Variants in CTPS2 observed in about 807,000 individuals in gnomAD.
CTPS2 encodes CTP synthase 2.
In CTPS2, 19 loss-of-function variants were observed where a neutral mutation model predicts 46.8. That is an observed-to-expected ratio of 0.41 (90% CI 0.28 to 0.60). The LOEUF is 0.60. Ranked by LOEUF, CTPS2 falls within the 20% of genes least tolerant of loss-of-function variation. The pLI, the probability that CTPS2 is intolerant of heterozygous loss-of-function variation, is 0.35. For synonymous variants in CTPS2, 151 were observed against 165.2 expected (o/e 0.91, Z 0.66); for missense variants, 286 against 447.6 (o/e 0.64, Z 3.26).
At chrX:16,692,006 T>C (rs988033416) in intron 6 of CTPS2, among the ~76,000 whole-genome samples, 3 of 111,465 alleles carry the variant, frequency 2.7e-5, no homozygotes, top group African/African-American at 9.8e-5. Context: ...CTACAGACAA[T>C]ATGTAAATGA....
At chrX:16,636,659 T>A (rs1931763208) in intron 14 of CTPS2, among the ~76,000 whole-genome samples, 1 of 111,677 alleles carries the variant, frequency 9.0e-6, no homozygotes, top group Non-Finnish European at 1.9e-5. Context: ...GCGCGGTGGC[T>A]CACGCCTGTA....
chrX:16,689,412 A>G, intron 8 of CTPS2, 38 bp downstream of exon 8: 1 of 1,190,745 alleles, frequency 8.4e-7, no homozygotes, highest in Non-Finnish European at 1.1e-6. Flanking sequence ...CAAACTCAAA[A>G]ATTATTAAAG....
intron 1 of CTPS2, among the ~76,000 whole-genome samples, chrX:16,707,955 C>G (rs1410321975): frequency 2.7e-5 from 3 of 110,515 alleles, no homozygotes; most frequent in Non-Finnish European, 5.7e-5. Context: ...GCATTCCAGC[C>G]TGGACAATAG....
At chrX:16,639,479 T>C (rs1021500992) in intron 13 of CTPS2, among the ~76,000 whole-genome samples, 3 of 110,803 alleles carry the variant, frequency 2.7e-5, no homozygotes, top group Non-Finnish European at 5.7e-5. Flanking sequence ...AAACAATGTA[T>C]CAGGAGCATC....
chrX:16,701,969 A>C (rs1924608558), intron 2 of CTPS2, among the ~76,000 whole-genome samples: 1 of 111,260 alleles, frequency 9.0e-6, no homozygotes, highest in African/African-American at 3.3e-5. Flanking sequence ...AAATTCATCC[A>C]ACTGTACACT....
At chrX:16,638,026 C>T (rs759785053) in intron 14 of CTPS2, among the ~76,000 whole-genome samples, 4 of 111,091 alleles carry the variant, frequency 3.6e-5, no homozygotes, top group South Asian at 3.8e-4. Flanking sequence ...GAGGCCGAGG[C>T]GGGCAGATCA....
intron 17 of CTPS2, among the ~76,000 whole-genome samples, chrX:16,601,014 A>C (rs1381404851): frequency 3.6e-5 from 4 of 111,502 alleles, no homozygotes; most frequent in African/African-American, 1.3e-4. Flanking sequence ...ACGCAGAAGT[A>C]AAATCCATAG....
chrX:16,621,085 G>A (rs1477303807), intron 14 of CTPS2, among the ~76,000 whole-genome samples: 3 of 110,957 alleles, frequency 2.7e-5, no homozygotes, highest in Non-Finnish European at 3.8e-5. Flanking sequence ...AACCAGGGGT[G>A]TGTGGCTGAG....
At chrX:16,606,743 T>C (rs1929991966) in intron 17 of CTPS2, among the ~76,000 whole-genome samples, 1 of 110,661 alleles carries the variant, frequency 9.0e-6, no homozygotes, top group Non-Finnish European at 1.9e-5. Context: ...AATCAGTCAG[T>C]TTTTTCAGAA....
intron 8 of CTPS2, among the ~76,000 whole-genome samples, chrX:16,685,867 C>CAAA (rs397976604): frequency 4.7e-3 from 116 of 24,442 alleles, no homozygotes; most frequent in Non-Finnish European, 6.8e-3. Flanking sequence ...ACTCTGTCTC[C>CAAA]AAAAAAAAAA....
rs747738925 is a variant in CTPS2, at chrX:16,598,233, C to T, written c.1692-7371G>A. Among the ~76,000 whole-genome samples the T allele has an allele frequency of 1.7e-3, 194 of 110,981 alleles. 3 individuals are homozygous for T. The South Asian group carries it at 0.07, about 40-fold the overall frequency. On this transcript the variant is annotated intron_variant, in intron 17 of 18. Coordinates refer to ENST00000359276, the MANE Select transcript of CTPS2 (RefSeq NM_175859.3). ...AGAGCAGAACTGAAGGAAATAGAGA[C>T]ACAAAAAATCCTTCAAAAAATTAAT...
At chrX:16,690,315 G>A (rs1274477396) in intron 7 of CTPS2, among the ~76,000 whole-genome samples, 1 of 110,349 alleles carries the variant, frequency 9.1e-6, no homozygotes. Flanking sequence ...AGGTTGCACT[G>A]AGCCAAGAGT....
At chrX:16,687,798 T>C (rs774662202) in intron 8 of CTPS2, among the ~76,000 whole-genome samples, 1 of 111,428 alleles carries the variant, frequency 9.0e-6, no homozygotes, top group African/African-American at 3.3e-5. Context: ...CTACCAAGGG[T>C]CAGTAATTTT....
intron 14 of CTPS2, among the ~76,000 whole-genome samples, chrX:16,622,746 CTG>C (rs1930911192): frequency 9.0e-6 from 1 of 111,565 alleles, no homozygotes; most frequent in Admixed American, 9.6e-5. Context: ...AAGGCAGACT[CTG>C]TATTTGCTAA....
At chrX:16,653,103 T>C (rs1053000296) in intron 13 of CTPS2, among the ~76,000 whole-genome samples, 3 of 110,728 alleles carry the variant, frequency 2.7e-5, no homozygotes, top group Non-Finnish European at 5.7e-5. Flanking sequence ...CCACAATTTA[T>C]ATATACATAT....
At position 16,625,306 on chromosome X, in the gene CTPS2, A is replaced by T. The variant is rs180766340; in HGVS notation, c.1394-4974T>A. Among the ~76,000 whole-genome samples, 3 of 112,697 alleles carry T rather than the reference A, an allele frequency of 2.7e-5. No individual in the cohort carries two copies. The East Asian group carries it at 8.4e-4, about 32-fold the overall frequency. ...CCACTCATAAAAGGACAAATACTGT[A>T]TGATTCTACTTCAAGGAGGTATCGA... On this transcript the variant is annotated intron_variant, in intron 14 of 18. Transcript: ENST00000359276.
At chrX:16,644,669 C>T (rs1932228372) in intron 13 of CTPS2, among the ~76,000 whole-genome samples, 1 of 111,973 alleles carries the variant, frequency 8.9e-6, no homozygotes, top group Admixed American at 9.5e-5. Flanking sequence ...AATGGATTCT[C>T]TCGTACACCC....
chrX:16,650,487 C>T (rs1932551185), intron 13 of CTPS2, among the ~76,000 whole-genome samples: 1 of 101,961 alleles, frequency 9.8e-6, no homozygotes, highest in African/African-American at 3.6e-5. Context: ...TAAGAACAGA[C>T]ATTTAACATA....
intron 11 of CTPS2, among the ~76,000 whole-genome samples, chrX:16,669,653 A>G (rs1489888358): frequency 1.8e-5 from 2 of 110,681 alleles, no homozygotes; most frequent in Non-Finnish European, 3.8e-5. Flanking sequence ...CCAGTCTTCT[A>G]TTTTGAAAAT....
Sources: gnomAD v4.1 joint callset for allele counts (sites outside exome capture counted in the v4.1 genomes callset) on GRCh38, gnomAD v4.1.1 for gene constraint, MANE v1.5 for transcripts, NCBI Gene and HGNC (gene_info 2026-07-23, HGNC 2026-07-21) for gene names.